PSMD14: variants seen among roughly 807,000 people sequenced by gnomAD.
PSMD14 encodes the protein proteasome 26S subunit, non-ATPase 14.
PSMD14 carries 7 observed loss-of-function variants against 41.2 expected under a neutral mutation model. The observed-to-expected ratio is 0.17, with a 90% CI of 0.10 to 0.32. The LOEUF is 0.32. PSMD14 is among the 10% of genes least tolerant of loss of function. The pLI, the probability that PSMD14 is intolerant of heterozygous loss-of-function variation, is 1.00. For missense variants in PSMD14, 139 were observed against 375.6 expected (o/e 0.37, Z 5.21); for synonymous variants, 114 against 122.3 (o/e 0.93, Z 0.45).
At chr2:161,373,201 G>A (rs962703083) in intron 7 of PSMD14, among the ~76,000 whole-genome samples, 5 of 151,524 alleles carry the variant, frequency 3.3e-5, no homozygotes, top group African/African-American at 7.3e-5. Context: ...TATGTGTCAC[G>A]TCTTAATGTT....
At chr2:161,313,975 A>T (rs192632619) in intron 1 of PSMD14, among the ~76,000 whole-genome samples, 53 of 152,316 alleles carry the variant, frequency 3.5e-4, no homozygotes, top group Admixed American at 2.2e-3. Flanking sequence ...AACTGTCACC[A>T]CCATCCATAT....
chr2:161,399,524 T>C (rs1435212779), intron 10 of PSMD14, among the ~76,000 whole-genome samples: 1 of 152,122 alleles, frequency 6.6e-6, no homozygotes, highest in Non-Finnish European at 1.5e-5. Context: ...TTAATGCCGA[T>C]TTGTGAGATT....
At chr2:161,316,318 A>G (rs1037743373) in intron 1 of PSMD14, 119 bp from the exon 2 acceptor site, 2 of 152,238 alleles carry the variant, frequency 1.3e-5, no homozygotes, top group African/African-American at 4.8e-5. Flanking sequence ...GATTATTAAA[A>G]AACAGTTTTG....
chr2:161,315,742 A>G (rs1291547917), intron 1 of PSMD14, among the ~76,000 whole-genome samples: 1 of 152,050 alleles, frequency 6.6e-6, no homozygotes, highest in Non-Finnish European at 1.5e-5. Flanking sequence ...ATTCCATACT[A>G]TTTGATAGAT....
chr2:161,373,190 GTA>G (rs1352113287), intron 7 of PSMD14, among the ~76,000 whole-genome samples: 1 of 151,644 alleles, frequency 6.6e-6, no homozygotes, highest in Non-Finnish European at 1.5e-5. Flanking sequence ...TTAAAAATAT[GTA>G]TGTGTCACGT....
chr2:161,325,706 G>A (rs970252309), intron 3 of PSMD14, among the ~76,000 whole-genome samples: 1 of 152,056 alleles, frequency 6.6e-6, no homozygotes, highest in Non-Finnish European at 1.5e-5. Context: ...GAATAGCAAA[G>A]AAATTCCTAA....
intron 7 of PSMD14, among the ~76,000 whole-genome samples, chr2:161,372,406 G>A (rs1406262998): frequency 1.3e-5 from 2 of 151,822 alleles, no homozygotes; most frequent in African/African-American, 4.8e-5. Flanking sequence ...GTTAAAATAC[G>A]GAGTTTTTAT....
At chr2:161,313,871 T>TG (rs962343841) in intron 1 of PSMD14, among the ~76,000 whole-genome samples, 1 of 152,190 alleles carries the variant, frequency 6.6e-6, no homozygotes, top group Admixed American at 6.5e-5. Context: ...ATCCTGTGTG[T>TG]GTGTGTATGT....
chr2:161,318,947 A>G (rs1689174066), intron 3 of PSMD14, 74 bp downstream of exon 3: 1 of 1,207,306 alleles, frequency 8.3e-7, no homozygotes, highest in South Asian at 1.4e-5. Context: ...AAAGAGAAAG[A>G]AATTATCCCC....
intron 3 of PSMD14, among the ~76,000 whole-genome samples, chr2:161,350,231 C>G (rs1243215601): frequency 6.6e-6 from 1 of 152,070 alleles, no homozygotes; most frequent in Non-Finnish European, 1.5e-5. Context: ...TACTGGATGC[C>G]CAGTTAAATT....
intron 1 of PSMD14, among the ~76,000 whole-genome samples, chr2:161,309,088 G>T (rs892000135): frequency 4.6e-5 from 7 of 152,180 alleles, no homozygotes; most frequent in Non-Finnish European, 1.0e-4. Flanking sequence ...CAAAAGTCCT[G>T]CAGATACACT....
intron 1 of PSMD14, among the ~76,000 whole-genome samples, chr2:161,310,069 G>A (rs1334216492): frequency 6.6e-6 from 1 of 152,098 alleles, no homozygotes; most frequent in East Asian, 1.9e-4. Flanking sequence ...GGCTGGAGGT[G>A]GAACCTGGGA....
At chr2:161,315,913 G>A (rs1359379987) in intron 1 of PSMD14, among the ~76,000 whole-genome samples, 5 of 147,980 alleles carry the variant, frequency 3.4e-5, no homozygotes, top group Non-Finnish European at 7.4e-5. Context: ...GCGCGTTCTC[G>A]GCTCATTGCA....
At chr2:161,335,335 G>A (rs1402649127) in intron 3 of PSMD14, among the ~76,000 whole-genome samples, 1 of 152,178 alleles carries the variant, frequency 6.6e-6, no homozygotes, top group South Asian at 2.1e-4. Flanking sequence ...ATTATATTTA[G>A]CTGCCCAGTA....
intron 10 of PSMD14, among the ~76,000 whole-genome samples, chr2:161,404,538 G>A (rs1300564413): frequency 4.6e-5 from 7 of 151,990 alleles, no homozygotes; most frequent in Non-Finnish European, 1.0e-4. Flanking sequence ...CCTTCCTTGA[G>A]GCTAACTGGA....
intron 3 of PSMD14, among the ~76,000 whole-genome samples, chr2:161,353,559 TC>T (rs971230062): frequency 3.3e-5 from 5 of 152,216 alleles, no homozygotes; most frequent in African/African-American, 1.2e-4. Context: ...GCCTTTTCCC[TC>T]CCTCCCCCTT....
At chr2:161,316,124 G>T (rs1689145587) in intron 1 of PSMD14, among the ~76,000 whole-genome samples, 1 of 152,164 alleles carries the variant, frequency 6.6e-6, no homozygotes, top group Non-Finnish European at 1.5e-5. Context: ...GATTACAGGC[G>T]TGAGCCACTG....
At chr2:161,354,864 A>G (rs938986073) in intron 3 of PSMD14, among the ~76,000 whole-genome samples, 2 of 152,196 alleles carry the variant, frequency 1.3e-5, no homozygotes, top group African/African-American at 4.8e-5. Context: ...CTCCCCTGCT[A>G]TTACATCGCT....
chr2:161,324,601 G>C (rs1028633693), intron 3 of PSMD14, among the ~76,000 whole-genome samples: 3 of 151,052 alleles, frequency 2.0e-5, no homozygotes, highest in African/African-American at 7.3e-5. Flanking sequence ...TTTCCCCTAG[G>C]TGTTGTAGTT....
Sources: allele counts gnomAD v4.1 joint callset (sites outside exome capture counted in the v4.1 genomes callset), GRCh38; gene constraint gnomAD v4.1.1; transcripts MANE v1.5; gene names NCBI Gene and HGNC (gene_info 2026-07-23, HGNC 2026-07-21).